The following DCN variants were observed in gnomAD, a reference collection of about 807,000 sequenced individuals.
DCN encodes the protein decorin, also known as bone proteoglycan II.
In DCN, 17 loss-of-function variants were observed where a neutral mutation model predicts 36.5. The observed-to-expected ratio is 0.47, with a 90% confidence interval of 0.32 to 0.70. The LOEUF (loss-of-function observed/expected upper bound fraction) is 0.70, where lower values mean the gene tolerates loss of function less well. Among genes scored for constraint, DCN ranks in the 30% least tolerant of loss-of-function variants. The probability of loss-of-function intolerance (pLI) is 0.04; values close to 1 mark genes in which losing one functional copy is unlikely to be tolerated. For synonymous variants in DCN, 163 were observed against 161.4 expected (o/e 1.01, Z -0.07); for missense variants, 389 against 430.1 (o/e 0.90, Z 0.84).
In DCN at chr12:91,140,727, G is replaced by T. The variant is rs545691470; in HGVS notation, c.*5331C>A. ...AAAATTCTAGATCTAAATCCTCCTT[G>T]ACACCTCCATATGGAAGTTGAATAT... On this transcript the variant is annotated 3_prime_UTR_variant, in exon 8 of 8. Coordinates refer to ENST00000052754, the MANE Select transcript of DCN (RefSeq NM_001920.5). 3 of 152,192 alleles carry T rather than the reference G, an allele frequency of 2.0e-5. No homozygotes were observed. The South Asian group carries it at 6.2e-4, about 32-fold the overall frequency. The allele number at this position is 152,192 out of a possible 1,614,324, so 9.4% of individuals were successfully genotyped here.
chr12:91,145,893 T>C lies in DCN; in HGVS notation c.*165A>G. 1 of 622,694 alleles carries C rather than the reference T, an allele frequency of 1.6e-6. No individual in the cohort carries two copies. Among genetic ancestry groups the C allele is most frequent in the East Asian group, 2.8e-5 (1 of 36,054 alleles). 38.6% of individuals were successfully genotyped at this position (622,694 alleles called of 1,614,324 possible). ...AATGGCAGGCAAAATTTCTTTTTAT[T>C]GTAGGCAATTACTTAAACTGGAAAT... On this transcript the variant is annotated 3_prime_UTR_variant, in exon 8 of 8. Coordinates refer to ENST00000052754, the MANE Select transcript of DCN (RefSeq NM_001920.5).
intron 2 of DCN, among the ~76,000 whole-genome samples, chr12:91,171,164 C>T (rs534855551): frequency 9.2e-5 from 14 of 152,260 alleles, no homozygotes; most frequent in African/African-American, 2.9e-4. Flanking sequence ...ACTTTTCTCA[C>T]AATCTTAAGT....
Position 91,141,161 on chromosome 12 carries a change from T to C in DCN, c.*4897A>G, listed in dbSNP as rs947424308. The C allele has an allele frequency of 6.6e-6, 1 of 152,180 alleles. No individual in the cohort carries two copies. Among genetic ancestry groups the C allele is most frequent in the Non-Finnish European group, 1.5e-5 (1 of 68,052 alleles). 9.4% of individuals were successfully genotyped at this position (152,180 alleles called of 1,614,324 possible). On this transcript the variant is annotated 3_prime_UTR_variant, in exon 8 of 8. Transcript: ENST00000052754. ...CACTCCTCTACCGAGACCCCTCTAATAGCTCTCTGTCTTACTCAGAGTAAA... is the reference window on the plus strand; with the variant it reads ...CACTCCTCTACCGAGACCCCTCTAACAGCTCTCTGTCTTACTCAGAGTAAA...
intron 7 of DCN, among the ~76,000 whole-genome samples, chr12:91,149,355 C>T (rs1345381789): frequency 6.6e-6 from 1 of 152,050 alleles, no homozygotes; most frequent in East Asian, 1.9e-4. Context: ...GGCCAAAACT[C>T]GCATGATTAT....
rs1881542355 is a variant in DCN, at chr12:91,153,138, C to T, written c.704G>A (p.Arg235Lys). The change falls in exon 6 of 8, where the codon AGA becomes AAA. Residue 235 changes from arginine (R) to lysine (K), a missense_variant. Transcript: ENST00000052754. Reference protein sequence around the residue: ...ELHLDGNKISRVDAASLKGLN... With the variant: ...ELHLDGNKISKVDAASLKGLN... ...TCCTTTCAGGCTAGCTGCATCAACT[C>T]TGCTGATTTTGTTGCCATCAAGATG... The T allele has an allele frequency of 1.2e-6, 2 of 1,611,248 alleles. No individual in the cohort carries two copies. Among genetic ancestry groups the T allele is most frequent in the Non-Finnish European group, 8.5e-7 (1 of 1,177,530 alleles).
In DCN at chr12:91,146,155, C is replaced by A; in HGVS notation, c.983G>T (p.Ser328Ile). Residue 328 changes from serine (S) to isoleucine (I), a missense_variant, in exon 8 of 8, where the codon AGT becomes ATT. Physicochemically the swap from Ser to Ile is moderately radical, Grantham distance 142. Transcript: ENST00000052754. ...GTACTGGACCGGGTTGCTGAAAAGA[C>A]TCACACCCGAATAAGAAGCCTTTTT... ...NTKKASYSGV[S>I]LFSNPVQYWE... 6.2e-7 allele frequency: 1 copy of A among 1,613,780 alleles called. No individual in the cohort carries two copies. Among genetic ancestry groups the A allele is most frequent in the Non-Finnish European group, 8.5e-7 (1 of 1,179,828 alleles).
At chr12:91,164,150 C>T (rs3138297) in intron 3 of DCN, among the ~76,000 whole-genome samples, 1 of 151,252 alleles carries the variant, frequency 6.6e-6, no homozygotes, top group South Asian at 2.1e-4. Context: ...CTCACTCATA[C>T]GTGGGAATTG....
In DCN at chr12:91,144,238, G is replaced by A. The variant is rs1257144415; in HGVS notation, c.*1820C>T. On this transcript the variant is annotated 3_prime_UTR_variant, in exon 8 of 8. Transcript: ENST00000052754. Reference sequence around the variant, plus strand: ...CACCATAAAGGGTGAATCATTCAAGGTTACAATAAGAAGGGTGAATCGTTA... The same window carrying A: ...CACCATAAAGGGTGAATCATTCAAGATTACAATAAGAAGGGTGAATCGTTA... 6.6e-6 allele frequency: 1 copy of A among 152,148 alleles called. No homozygotes were observed. The highest frequency in any genetic ancestry group is 1.5e-5 in the Non-Finnish European group (1 of 68,042). The allele number at this position is 152,148 out of a possible 1,614,324, so 9.4% of individuals were successfully genotyped here.
intron 1 of DCN, chr12:91,179,248 T>C (rs1418326411): frequency 2.0e-5 from 3 of 153,166 alleles, no homozygotes; most frequent in Admixed American, 1.3e-4. Flanking sequence ...GTCAGACCAC[T>C]CATAAATTGG....
At chr12:91,169,400 A>AC (rs1882797628) in intron 2 of DCN, among the ~76,000 whole-genome samples, 1 of 151,130 alleles carries the variant, frequency 6.6e-6, no homozygotes, top group Non-Finnish European at 1.5e-5. Flanking sequence ...AAAAAAAAAA[A>AC]ACCAAAAAAC....
Position 91,158,401 on chromosome 12 carries a change from G to T in DCN, c.433C>A (p.Pro145Thr). The change falls in exon 4 of 8, where the codon CCA becomes ACA. Residue 145 changes from proline (P) to threonine (T), a missense_variant. Physicochemically the swap from Pro to Thr is conservative, Grantham distance 38. Coordinates refer to ENST00000052754, the MANE Select transcript of DCN (RefSeq NM_001920.5). Reference protein sequence around the residue: ...YLSKNQLKELPEKMPKTLQEL... With the variant: ...YLSKNQLKELTEKMPKTLQEL... ...TGAAGAGTTTTGGGCATTTTTTCTG[G>T]CAATTCCTTCAGCTGATTCTTGGAC... 6.2e-7 allele frequency: 1 copy of T among 1,611,488 alleles called. No homozygotes were observed. Among genetic ancestry groups the T allele is most frequent in the Non-Finnish European group, 8.5e-7 (1 of 1,177,656 alleles).
chr12:91,145,583 T>G lies in DCN; in HGVS notation c.*475A>C. On this transcript the variant is annotated 3_prime_UTR_variant, in exon 8 of 8. Coordinates refer to ENST00000052754, the MANE Select transcript of DCN (RefSeq NM_001920.5). ...CAAAATAATGACATTAGTAAAAATTTTACATAGCCTGTATTGAATTCACAC... is the reference window on the plus strand; with the variant it reads ...CAAAATAATGACATTAGTAAAAATTGTACATAGCCTGTATTGAATTCACAC... 1 of 165,804 alleles carries G rather than the reference T, an allele frequency of 6.0e-6. No individual in the cohort carries two copies. The highest frequency in any genetic ancestry group is 6.0e-5 in the Admixed American group (1 of 16,614). The allele number at this position is 165,804 out of a possible 1,614,324, so 10.3% of individuals were successfully genotyped here. A position where few individuals can be genotyped will look rare whatever the true frequency, so the allele number is the denominator to read the frequency against.
intron 1 of DCN, among the ~76,000 whole-genome samples, chr12:91,181,682 T>C (rs981959071): frequency 6.6e-5 from 10 of 152,096 alleles, no homozygotes; most frequent in Non-Finnish European, 1.5e-4. Flanking sequence ...CATTATGTTA[T>C]CTATGCCTCT....
At position 91,146,245 on chromosome 12, in the gene DCN, T is replaced by C. The variant is rs1348721658; in HGVS notation, c.893A>G (p.Tyr298Cys). Residue 298 changes from tyrosine to cysteine, a missense_variant, in exon 8 of 8, where the codon TAC becomes TGC. Tyr to Cys is a radical substitution (Grantham distance 194). Coordinates refer to ENST00000052754, the MANE Select transcript of DCN (RefSeq NM_001920.5). ...LAEHKYIQVVYLHNNNISVVG... is the reference protein window; with the variant it reads ...LAEHKYIQVVCLHNNNISVVG... ...TACAGAGATATTGTTGTTATGAAGG[T>C]AGACAACCTACAACATGAAACGATA... 3 of 1,596,578 alleles carry C rather than the reference T, an allele frequency of 1.9e-6. No homozygotes were observed. Among genetic ancestry groups the C allele is most frequent in the East Asian group, 4.5e-5 (2 of 44,784 alleles).
intron 3 of DCN, among the ~76,000 whole-genome samples, chr12:91,159,793 T>C (rs1882043029): frequency 1.3e-5 from 2 of 152,104 alleles, no homozygotes; most frequent in Non-Finnish European, 2.9e-5. Context: ...AACCACATGG[T>C]TTTATTATTT....
chr12:91,177,584 C>A (rs1883369901), intron 2 of DCN: 2 of 702,356 alleles, frequency 2.8e-6, no homozygotes, highest in Non-Finnish European at 5.2e-6. Context: ...GGAGATTTAT[C>A]TTCTAAGTGT....
chr12:91,173,232 T>A (rs1453860265), intron 2 of DCN, among the ~76,000 whole-genome samples: 1 of 152,132 alleles, frequency 6.6e-6, no homozygotes, highest in African/African-American at 2.4e-5. Flanking sequence ...ATATTTTAGC[T>A]AACCAATTCC....
chr12:91,180,747 G>A (rs1368049051), intron 1 of DCN: 1 of 152,150 alleles, frequency 6.6e-6, no homozygotes, highest in Non-Finnish European at 1.5e-5. Context: ...TTGTATCTGA[G>A]GGAGTGGTTT....
Position 91,158,135 on chromosome 12 carries a change from A to G in DCN, c.538+161T>C, listed in dbSNP as rs3138301. On this transcript the variant is annotated intron_variant, in intron 4 of 7. Transcript: ENST00000052754. ...ACATAAAAACATCACTGTAAGGTCC[A>G]GATTCAAAATCCCAATTTCTCTTGG... Among the ~76,000 whole-genome samples the G allele has an allele frequency of 1.5e-3, 225 of 152,356 alleles. 1 individual carries two copies. Among genetic ancestry groups the G allele is most frequent in the Non-Finnish European group, 2.7e-3 (183 of 68,036 alleles).
Sources: gnomAD v4.1 joint callset for allele counts (sites outside exome capture counted in the v4.1 genomes callset) on GRCh38, gnomAD v4.1.1 for gene constraint, MANE v1.5 for transcripts, NCBI Gene and HGNC (gene_info 2026-07-23, HGNC 2026-07-21) for gene names.